The following P2RX5 variants were observed in gnomAD, a reference collection of about 807,000 sequenced individuals.
P2RX5 encodes P2X purinoceptor 5.
In P2RX5, 46 loss-of-function variants were observed where a neutral mutation model predicts 54.1. The observed-to-expected ratio is 0.85, with a 90% confidence interval of 0.67 to 1.09. The LOEUF is 1.09. P2RX5 is among the 50% of genes least tolerant of loss of function. The probability of loss-of-function intolerance (pLI) is 0.00; values close to 1 mark genes in which losing one functional copy is unlikely to be tolerated. For synonymous variants in P2RX5, 226 were observed against 226.4 expected (o/e 1.00, Z 0.02); for missense variants, 566 against 549.8 (o/e 1.03, Z -0.29).
Position 3,679,723 on chromosome 17 carries a change from G to T in P2RX5, c.1126C>A (p.Gln376Lys), listed in dbSNP as rs1305876306. ...DEASGLGLSE[Q>K]LTSGPGLLGM... The stretch of plus-strand genomic sequence containing the variant: ...AGCAGCCCTGGCCCAGATGTGAGCT[G>T]CTCAGATAGCCCCAGCCCCGATGCC... The change falls in exon 11 of 12, where the codon CAG becomes AAG. Residue 376 changes from glutamine (Q) to lysine (K), a missense_variant. Transcript: ENST00000225328. The T allele has an allele frequency of 6.2e-7, 1 of 1,612,422 alleles. No homozygotes were observed. Among genetic ancestry groups the T allele is most frequent in the East Asian group, 2.2e-5 (1 of 44,890 alleles).
At chr17:3,702,419 T>TG in the P2RX5 span, among the ~76,000 whole-genome samples, 2 of 152,162 alleles carry the variant, frequency 1.3e-5, no homozygotes, top group African/African-American at 4.8e-5. Flanking sequence ...AGGATGTGGG[T>TG]GGGGCCAAAT....
chr17:3,699,579 G>A (rs866348871), upstream of P2RX5, among the ~76,000 whole-genome samples: 27 of 152,032 alleles, frequency 1.8e-4, no homozygotes, highest in African/African-American at 6.3e-4. Context: ...GGCCGAGGCA[G>A]GTAGATCACG....
the P2RX5 span, among the ~76,000 whole-genome samples, chr17:3,701,352 A>G: frequency 5.3e-5 from 8 of 152,148 alleles, no homozygotes; most frequent in African/African-American, 1.9e-4. Flanking sequence ...CCTCTGGTCT[A>G]GTTGGATGAT....
chr17:3,695,040 G>C (rs992832096), intron 1 of P2RX5, among the ~76,000 whole-genome samples: 1 of 152,222 alleles, frequency 6.6e-6, no homozygotes, highest in Admixed American at 6.5e-5. Flanking sequence ...CTGGACCTCC[G>C]AGGGAGAGCC....
the P2RX5 span, chr17:3,720,307 C>A: frequency 2.0e-6 from 3 of 1,513,196 alleles, no homozygotes; most frequent in Non-Finnish European, 1.8e-6. Flanking sequence ...CAGGAATTAC[C>A]TTAGTTCTGT....
the P2RX5 span, among the ~76,000 whole-genome samples, chr17:3,715,691 A>G: frequency 6.6e-6 from 1 of 152,066 alleles, no homozygotes; most frequent in African/African-American, 2.4e-5. Context: ...CATCTCCACA[A>G]AATTAAAATT....
chr17:3,695,726 C>G, intron 1 of P2RX5, 143 bp downstream of exon 1: 1 of 964,478 alleles, frequency 1.0e-6, no homozygotes, highest in Non-Finnish European at 1.6e-6. Context: ...AAGAGGACCC[C>G]CACAGCAAGC....
chr17:3,699,221 C>A (rs1023257415), upstream of P2RX5, among the ~76,000 whole-genome samples: 1 of 151,856 alleles, frequency 6.6e-6, no homozygotes, highest in Non-Finnish European at 1.5e-5. Context: ...CATAGGGAGA[C>A]CCCTTCTATA....
chr17:3,690,809 C>A, intron 3 of P2RX5, 129 bp from the exon 4 acceptor site: 1 of 1,146,052 alleles, frequency 8.7e-7, no homozygotes, highest in Non-Finnish European at 1.3e-6. Context: ...TACTTCTCCC[C>A]CATATAATGC....
At position 3,694,777 on chromosome 17, in the gene P2RX5, C is replaced by T. The variant is rs550733982; in HGVS notation, c.137+1092G>A. On this transcript the variant is annotated intron_variant, in intron 1 of 11. Transcript: ENST00000225328. ...CAGTTAAGTGCTGCTGGGGCCCCAC[C>T]CTCAGGGCATTCCCGGACTGACAGC... is the stretch of plus-strand genomic sequence containing the variant. 3.9e-5 allele frequency among the ~76,000 whole-genome samples: 6 copies of T among 152,372 alleles called. No individual in the cohort carries two copies. The South Asian group carries it at 1.0e-3, about 26-fold the overall frequency.
chr17:3,719,523 A>T, the P2RX5 span, among the ~76,000 whole-genome samples: 1 of 152,222 alleles, frequency 6.6e-6, no homozygotes, highest in South Asian at 2.1e-4. Flanking sequence ...CAAAGCATTC[A>T]GTCCACAAAT....
upstream of P2RX5, among the ~76,000 whole-genome samples, chr17:3,699,859 A>G (rs2050803344): frequency 2.0e-5 from 1 of 50,358 alleles, no homozygotes; most frequent in African/African-American, 5.4e-5. Flanking sequence ...AGAAAAAAGA[A>G]AGAAAGAAAG....
In P2RX5 at chr17:3,684,145, G is replaced by A. The variant is rs568818222; in HGVS notation, c.982-2167C>T. Among the ~76,000 whole-genome samples the A allele has an allele frequency of 5.9e-5, 9 of 152,342 alleles. No homozygotes were observed. The South Asian group carries it at 6.2e-4, about 11-fold the overall frequency. Reference sequence around the variant, plus strand: ...GTCTCCTCCCCTGTGAGCCGCTCCCGGCCCCACTGAAGGGCCACCTCTAAG... The same window carrying A: ...GTCTCCTCCCCTGTGAGCCGCTCCCAGCCCCACTGAAGGGCCACCTCTAAG... On this transcript the variant is annotated intron_variant, in intron 9 of 11. Transcript: ENST00000225328.
In P2RX5 at chr17:3,676,301, C is replaced by T. The variant is rs550639496; in HGVS notation, c.1260-2424G>A. 73 of 985,336 alleles carry T rather than the reference C, an allele frequency of 7.4e-5. 1 individual carries two copies. Among genetic ancestry groups the T allele is most frequent in the South Asian group, 5.6e-4 (12 of 21,284 alleles). 61.0% of individuals were successfully genotyped at this position (985,336 alleles called of 1,614,324 possible). A position where few individuals can be genotyped will look rare whatever the true frequency, so the allele number is the denominator to read the frequency against. ...TTGACAGGGGAGACTGGGTCTTAAGCGCCAGCGTCAGGAGAAGTTCATTAC... is the reference window on the plus strand; with the variant it reads ...TTGACAGGGGAGACTGGGTCTTAAGTGCCAGCGTCAGGAGAAGTTCATTAC... On this transcript the variant is annotated intron_variant, in intron 11 of 11. Coordinates refer to ENST00000225328, the MANE Select transcript of P2RX5 (RefSeq NM_002561.4).
At chr17:3,714,121 G>C in the P2RX5 span, among the ~76,000 whole-genome samples, 60 of 151,902 alleles carry the variant, frequency 3.9e-4, 1 homozygote, top group South Asian at 0.012. Flanking sequence ...TAGAGACGGG[G>C]TTTCACCGTG....
upstream of P2RX5, among the ~76,000 whole-genome samples, chr17:3,699,095 C>CACACACACACATA (rs60173844): frequency 0.02 from 2,019 of 100,172 alleles, 61 homozygotes; most frequent in Admixed American, 0.029. Flanking sequence ...ACACACACAC[C>CACACACACACATA]TATATATATA....
chr17:3,689,959 C>T (rs548188747), intron 6 of P2RX5, 111 bp downstream of exon 6: 37 of 969,406 alleles, frequency 3.8e-5, no homozygotes, highest in African/African-American at 3.5e-4. Flanking sequence ...CACGCACACA[C>T]GTGCACACAC....
At chr17:3,705,931 A>C in the P2RX5 span, among the ~76,000 whole-genome samples, 33,869 of 150,992 alleles carry the variant, frequency 0.22, 4,795 homozygotes, top group South Asian at 0.5. Flanking sequence ...TGAGTAGCTG[A>C]GACTACAGGT....
chr17:3,715,624 G>A, the P2RX5 span, among the ~76,000 whole-genome samples: 1 of 152,178 alleles, frequency 6.6e-6, no homozygotes, highest in Non-Finnish European at 1.5e-5. Context: ...AGGCCAAGAT[G>A]AGAAGATGGC....
Sources: gnomAD v4.1 joint callset for allele counts (sites outside exome capture counted in the v4.1 genomes callset) on GRCh38, gnomAD v4.1.1 for gene constraint, MANE v1.5 for transcripts, NCBI Gene and HGNC (gene_info 2026-07-23, HGNC 2026-07-21) for gene names.